SEC14L6: variants seen among roughly 807,000 people sequenced by gnomAD.
SEC14L6 encodes the protein SEC14 like lipid binding 6.
A neutral mutation model predicts 54.1 loss-of-function variants in SEC14L6; 40 were observed. The observed-to-expected ratio is 0.74, with a 90% CI of 0.57 to 0.96. The LOEUF is 0.96. Ranked by LOEUF, SEC14L6 falls within the 40% of genes least tolerant of loss-of-function variation. The pLI is 0.00. For missense variants in SEC14L6, 471 were observed against 498.3 expected, an observed-to-expected ratio of 0.95 and a Z score of 0.52; for synonymous variants, 171 against 198.4, an observed-to-expected ratio of 0.86 and a Z score of 1.16.
chr22:30,525,894 C>T lies in SEC14L6; in HGVS notation c.703G>A (p.Asp235Asn), dbSNP rs187889757. The T allele has an allele frequency of 8.1e-6, 13 of 1,613,140 alleles. No homozygotes were observed. In the East Asian group the frequency reaches 1.8e-4, roughly 22 times the overall value. Residue 235 changes from aspartate to asparagine, a missense_variant, in exon 9 of 12, where the codon GAC (aspartate) becomes AAC (asparagine). Asp to Asn is a conservative substitution (Grantham distance 23, BLOSUM62 1). Coordinates refer to ENST00000402034, the MANE Select transcript of SEC14L6 (RefSeq NM_001193336.4). ...CCCCCAAACTCCACGGGCAGCTGGT[C>T]GGGGCTGATGAATTTTGTCAGCTCC... ...KQELTKFISPDQLPVEFGGTM... is the reference protein window; with the variant it reads ...KQELTKFISPNQLPVEFGGTM...
intron 1 of SEC14L6, chr22:30,544,033 C>T (rs2085771507): frequency 2.6e-6 from 4 of 1,557,628 alleles, no homozygotes; most frequent in African/African-American, 1.4e-5. Context: ...GGCCCCCAAG[C>T]CCGAGCTGTC....
chr22:30,541,347 T>A (rs1308272231), intron 1 of SEC14L6, among the ~76,000 whole-genome samples: 1 of 152,222 alleles, frequency 6.6e-6, no homozygotes, highest in Non-Finnish European at 1.5e-5. Flanking sequence ...GTTTAATTGC[T>A]TTTCATCAAA....
Position 30,525,851 on chromosome 22 carries a change from T to A in SEC14L6, c.746A>T (p.Asp249Val). ...VEFGGTMTDP[D>V]GNPKCLTKIN... is the part of the protein sequence containing the mutation. ...CTTGGTCAGGCACTTGGGGTTGCCA[T>A]CGGGGTCAGTCATGGTCCCCCCAAA... The change falls in exon 9 of 12, where the codon GAT (aspartate) becomes GTT (valine). Residue 249 changes from aspartate (D) to valine (V), a missense_variant. Transcript: ENST00000402034. 1 of 1,613,644 alleles carries A rather than the reference T, an allele frequency of 6.2e-7. No homozygotes were observed. The highest frequency in any genetic ancestry group is 8.5e-7 in the Non-Finnish European group (1 of 1,179,756).
At chr22:30,543,686 A>T in intron 1 of SEC14L6, 1 of 1,611,514 alleles carries the variant, frequency 6.2e-7, no homozygotes, top group Non-Finnish European at 8.5e-7. Flanking sequence ...CAGAACATCT[A>T]TATTGTGGTG....
At chr22:30,542,268 C>A in intron 1 of SEC14L6, among the ~76,000 whole-genome samples, 2 of 152,286 alleles carry the variant, frequency 1.3e-5, no homozygotes, top group Middle Eastern at 3.4e-3. Context: ...CTCAGAGGCA[C>A]GACCTCTTGG....
At chr22:30,542,990 A>G in intron 1 of SEC14L6, 2 of 1,602,292 alleles carry the variant, frequency 1.2e-6, no homozygotes, top group Non-Finnish European at 1.7e-6. Flanking sequence ...GCAGGCACTG[A>G]GCTGTCTGTG....
chr22:30,531,867 G>T, intron 6 of SEC14L6, 36 bp downstream of exon 6: 1 of 1,458,286 alleles, frequency 6.9e-7, no homozygotes, highest in South Asian at 1.2e-5. Flanking sequence ...CCAGGCATTT[G>T]ACCACCCACC....
intron 1 of SEC14L6, chr22:30,544,187 G>A (rs1166999429): frequency 1.6e-5 from 13 of 825,174 alleles, no homozygotes; most frequent in Admixed American, 2.7e-5. Context: ...GGGCTGGGGC[G>A]GTGCAGGCTC....
In SEC14L6 at chr22:30,532,916, A is replaced by C. The variant is rs914504868; in HGVS notation, c.175-60T>G. On this transcript the variant is annotated intron_variant, in intron 3 of 11. Transcript: ENST00000402034. The stretch of plus-strand genomic sequence containing the variant: ...GCCTGTCCCAAAGACCTCTGTGGAT[A>C]CCTGGGGACACCAGGCCAGGTCCCT... 2.5e-6 allele frequency: 4 copies of C among 1,584,952 alleles called. No individual in the cohort carries two copies. The African/African-American group carries it at 4.0e-5, about 16-fold the overall frequency.
rs569285413 is a variant in SEC14L6, at chr22:30,543,372, G to A, written c.54+3257C>T. On this transcript the variant is annotated intron_variant, in intron 1 of 11. Transcript: ENST00000402034. The stretch of plus-strand genomic sequence containing the variant: ...AACAGCCCATGAGGGCAGAGAACCA[G>A]GTGAATATCACCTGCCAGGTGACGA... 5 of 1,581,032 alleles carry A rather than the reference G, an allele frequency of 3.2e-6. No homozygotes were observed. The South Asian group carries it at 3.3e-5, about 10-fold the overall frequency.
intron 6 of SEC14L6, 68 bp from the exon 7 acceptor site, chr22:30,529,417 C>A: frequency 7.9e-7 from 1 of 1,259,916 alleles, no homozygotes; most frequent in East Asian, 2.5e-5. Context: ...TCTCGCCCCA[C>A]CCTCCAGGAC....
chr22:30,531,350 T>C (rs1252872803), intron 6 of SEC14L6, among the ~76,000 whole-genome samples: 1 of 148,112 alleles, frequency 6.8e-6, no homozygotes, highest in African/African-American at 2.5e-5. Flanking sequence ...GAGTTTGCAG[T>C]GAGCCGAGAT....
rs11443760 is a variant in SEC14L6, at chr22:30,541,018, C to CAAA, written c.55-2119_55-2117dup. On this transcript the variant is annotated intron_variant, in intron 1 of 11. Coordinates refer to ENST00000402034, the MANE Select transcript of SEC14L6 (RefSeq NM_001193336.4). The stretch of plus-strand genomic sequence containing the variant: ...TGGGCAACAGGGTGAGACTACATCT[C>CAAA]AAAAAAAAAAAAAATTCAATTACTT... 2.8e-3 allele frequency among the ~76,000 whole-genome samples: 398 copies of CAAA among 142,818 alleles called. 1 individual carries two copies. The highest frequency in any genetic ancestry group is 9.5e-3 in the African/African-American group (368 of 38,744). 93.7% of individuals were successfully genotyped at this position (142,818 alleles called of 152,430 possible).
rs910192684 is a variant in SEC14L6, at chr22:30,542,847, T to G, written c.54+3782A>C. ...AAGGCCACTTCCCCCGGGTAACAAC[T>G]GTTTCAGATCTCACAAAGAGAACCA... On this transcript the variant is annotated intron_variant, in intron 1 of 11. Coordinates refer to ENST00000402034, the MANE Select transcript of SEC14L6 (RefSeq NM_001193336.4). The G allele has an allele frequency of 8.8e-6, 14 of 1,596,948 alleles. No individual in the cohort carries two copies. The East Asian group carries it at 3.1e-4, about 36-fold the overall frequency.
chr22:30,533,295 G>A (rs1482039788), intron 3 of SEC14L6: 1 of 248,286 alleles, frequency 4.0e-6, no homozygotes, highest in Non-Finnish European at 6.4e-6. Flanking sequence ...CGATCTCCGT[G>A]TGCTCCTAGA....
Position 30,525,359 on chromosome 22 carries a change from C to T in SEC14L6, c.1072G>A (p.Ala358Thr), listed in dbSNP as rs1044172325. 7 of 1,614,010 alleles carry T rather than the reference C, an allele frequency of 4.3e-6. No individual in the cohort carries two copies. The Admixed American group carries it at 5.0e-5, about 12-fold the overall frequency. ...CCCTGCCAACTCTTACAGCTGCCGG[C>T]CTGGAGGCAGGTGAGAATCCCATCT... ...PEDGILTCLQ[A>T]GSYVLRFYNT... The change falls in exon 11 of 12, where the codon GCC becomes ACC. Residue 358 changes from alanine to threonine, a missense_variant. Physicochemically the swap from Ala to Thr is moderately conservative, Grantham distance 58. Transcript: ENST00000402034.
chr22:30,542,755 C>T, intron 1 of SEC14L6: 2 of 1,586,264 alleles, frequency 1.3e-6, no homozygotes, highest in Non-Finnish European at 8.7e-7. Context: ...CTCCCTGAAC[C>T]CTGTGGGGCC....
Position 30,532,971 on chromosome 22 carries a change from G to A in SEC14L6, c.175-115C>T. 5 of 1,512,080 alleles carry A rather than the reference G, an allele frequency of 3.3e-6. No individual in the cohort carries two copies. In the South Asian group the frequency reaches 6.5e-5, roughly 20 times the overall value. 93.7% of individuals were successfully genotyped at this position (1,512,080 alleles called of 1,614,324 possible). The stretch of plus-strand genomic sequence containing the variant: ...CTGCAACCACTAAGGGCCTGCCAGA[G>A]CATCCCCAGGCTCCACTGACATAGA... On this transcript the variant is annotated intron_variant, in intron 3 of 11. Transcript: ENST00000402034.
At chr22:30,542,425 G>A in intron 1 of SEC14L6, 2 of 442,432 alleles carry the variant, frequency 4.5e-6, no homozygotes, top group Non-Finnish European at 7.8e-6. Context: ...ACTTCCCCAG[G>A]CCACCTTAAG....
Sources: gnomAD v4.1 joint callset for allele counts (sites outside exome capture counted in the v4.1 genomes callset) on GRCh38, gnomAD v4.1.1 for gene constraint, MANE v1.5 for transcripts, NCBI Gene and HGNC (gene_info 2026-07-23, HGNC 2026-07-21) for gene names.